ANLN: variants seen among roughly 807,000 people sequenced by gnomAD.
ANLN encodes anillin, actin binding protein.
A neutral mutation model predicts 135.1 loss-of-function variants in ANLN; 59 were observed. The ratio of observed to expected loss-of-function variants is 0.44; its 90% CI spans 0.35 to 0.54. The LOEUF is 0.54. Ranked by LOEUF, ANLN falls within the 20% of genes least tolerant of loss-of-function variation. ANLN has a pLI of 0.00. For missense variants in ANLN, 1,182 were observed against 1,340.0 expected (o/e 0.88, Z 1.84); for synonymous variants, 406 against 456.4 (o/e 0.89, Z 1.41).
At chr7:36,393,119 G>A (rs1224000128) in intron 1 of ANLN, among the ~76,000 whole-genome samples, 4 of 151,754 alleles carry the variant, frequency 2.6e-5, no homozygotes, top group Non-Finnish European at 5.9e-5. Context: ...TGCCTCCCAG[G>A]TTCAAGTGAT....
intron 21 of ANLN, among the ~76,000 whole-genome samples, chr7:36,441,288 A>G (rs1471631973): frequency 2.0e-5 from 3 of 152,186 alleles, no homozygotes; most frequent in Non-Finnish European, 2.9e-5. Context: ...GATCTCTTCA[A>G]GTTTACTCTG....
intron 7 of ANLN, among the ~76,000 whole-genome samples, chr7:36,411,425 T>G (rs1310440509): frequency 6.6e-6 from 1 of 152,244 alleles, no homozygotes; most frequent in African/African-American, 2.4e-5. Context: ...ATCATTCATT[T>G]GATTTCAGAG....
At chr7:36,411,933 G>A (rs958187786) in intron 7 of ANLN, among the ~76,000 whole-genome samples, 6 of 152,036 alleles carry the variant, frequency 3.9e-5, no homozygotes, top group African/African-American at 7.2e-5. Context: ...GCTCAGCTCC[G>A]TTGTGCTGAT....
intron 17 of ANLN, among the ~76,000 whole-genome samples, chr7:36,425,172 A>G (rs1481973255): frequency 6.6e-6 from 1 of 151,996 alleles, no homozygotes; most frequent in Non-Finnish European, 1.5e-5. Flanking sequence ...TTTTAGCTCT[A>G]ACAAAAAAGG....
In ANLN at chr7:36,405,987, G is replaced by A. The variant is rs546111524; in HGVS notation, c.488-194G>A. Among the ~76,000 whole-genome samples, 98 of 151,216 alleles carry A rather than the reference G, an allele frequency of 6.5e-4. No individual in the cohort carries two copies. The South Asian group carries it at 0.019, about 30-fold the overall frequency. On this transcript the variant is annotated intron_variant, in intron 3 of 23. Transcript: ENST00000265748. ...GATCTAATAGTTTTTTTTTAATTTC[G>A]GATTTAATATCATTTGATTTAAAAA...
chr7:36,435,305 G>C (rs1485962787), intron 20 of ANLN, among the ~76,000 whole-genome samples: 2 of 151,728 alleles, frequency 1.3e-5, no homozygotes, highest in African/African-American at 4.8e-5. Context: ...TTTCACCCTA[G>C]ATTCGTTTTG....
chr7:36,431,718 T>C (rs933244453), intron 20 of ANLN, among the ~76,000 whole-genome samples: 6 of 150,640 alleles, frequency 4.0e-5, no homozygotes, highest in African/African-American at 1.2e-4. Flanking sequence ...CAGTTGGCGT[T>C]TATCTTTTCC....
chr7:36,399,032 T>C (rs1193769750), intron 2 of ANLN, 47 bp from the exon 3 acceptor site: 3 of 1,507,992 alleles, frequency 2.0e-6, no homozygotes. Flanking sequence ...GTTTTTCATG[T>C]GAGAAATTAC....
intron 13 of ANLN, among the ~76,000 whole-genome samples, chr7:36,422,232 GA>G (rs1401200112): frequency 6.6e-6 from 1 of 152,118 alleles, no homozygotes; most frequent in African/African-American, 2.4e-5. Context: ...CAGATTGAAT[GA>G]ATGAATGGAT....
rs752330118 is a variant in ANLN at position 36,407,957 on chromosome 7, G to GT, written c.1096+3dup. Reference sequence around the variant, plus strand: ...TCTAAAGACAAATCTACGACACCAGGTTACGTATTTATAAAAAATTTAGTT... The same window carrying GT: ...TCTAAAGACAAATCTACGACACCAGGTTTACGTATTTATAAAAAATTTAGTT... On this transcript the variant is annotated splice_donor_variant, in intron 5 of 23. Transcript: ENST00000265748. LOFTEE classifies it high-confidence loss of function. 6.2e-7 allele frequency: 1 copy of GT among 1,604,668 alleles called. No homozygotes were observed. The highest frequency in any genetic ancestry group is 8.5e-7 in the Non-Finnish European group (1 of 1,175,352).
At chr7:36,452,021 T>C (rs1789263987) in intron 23 of ANLN, among the ~76,000 whole-genome samples, 1 of 152,228 alleles carries the variant, frequency 6.6e-6, no homozygotes, top group African/African-American at 2.4e-5. Context: ...CAAACTAATA[T>C]TACCTGTAGA....
At chr7:36,435,132 G>C (rs1242764959) in intron 20 of ANLN, among the ~76,000 whole-genome samples, 1 of 152,068 alleles carries the variant, frequency 6.6e-6, no homozygotes, top group Non-Finnish European at 1.5e-5. Flanking sequence ...GTTGTAAAAA[G>C]ATTATGTTCA....
At chr7:36,427,073 C>CTTAGAAAAA (rs1317754963) in intron 20 of ANLN, 45 bp downstream of exon 20, 1 of 1,313,084 alleles carries the variant, frequency 7.6e-7, no homozygotes, top group African/African-American at 1.5e-5. Context: ...TTTTTTTAAT[C>CTTAGAAAAA]TTAGAAAAAT....
At chr7:36,399,993 A>G (rs1288862271) in intron 3 of ANLN, among the ~76,000 whole-genome samples, 1 of 152,202 alleles carries the variant, frequency 6.6e-6, no homozygotes, top group Non-Finnish European at 1.5e-5. Context: ...TTACAAAAAA[A>G]AAAAGCTTTG....
chr7:36,446,542 A>T (rs2116818508), intron 22 of ANLN, among the ~76,000 whole-genome samples: 1 of 152,332 alleles, frequency 6.6e-6, no homozygotes, highest in Middle Eastern at 3.4e-3. Context: ...GGGAGCAGGT[A>T]CATCACATGG....
intron 7 of ANLN, among the ~76,000 whole-genome samples, chr7:36,414,196 G>A (rs1366488812): frequency 1.3e-5 from 2 of 152,202 alleles, no homozygotes; most frequent in Non-Finnish European, 2.9e-5. Context: ...GAGGGAACGG[G>A]CAAGAGGAGC....
intron 20 of ANLN, among the ~76,000 whole-genome samples, chr7:36,431,639 T>G (rs1788336121): frequency 7.1e-6 from 1 of 140,000 alleles, no homozygotes; most frequent in Admixed American, 7.4e-5. Context: ...TATATTACCA[T>G]TTTATTCTTG....
chr7:36,444,251 C>T (rs1438339376), intron 22 of ANLN, among the ~76,000 whole-genome samples: 3 of 149,776 alleles, frequency 2.0e-5, no homozygotes, highest in Middle Eastern at 3.2e-3. Flanking sequence ...GATCACGCCA[C>T]GGCACTCCAG....
chr7:36,425,971 A>C, intron 18 of ANLN, 44 bp from the exon 19 acceptor site: 1 of 1,432,224 alleles, frequency 7.0e-7, no homozygotes, highest in Non-Finnish European at 9.5e-7. Flanking sequence ...TAAATAAGGG[A>C]AATAACTTAT....
Sources: allele counts gnomAD v4.1 joint callset (sites outside exome capture counted in the v4.1 genomes callset), GRCh38; gene constraint gnomAD v4.1.1; transcripts MANE v1.5; gene names NCBI Gene and HGNC (gene_info 2026-07-23, HGNC 2026-07-21).